DNAH8: variants seen among roughly 807,000 people sequenced by gnomAD.
DNAH8 encodes the protein axonemal beta dynein heavy chain 8.
Under a neutral mutation model 562.1 loss-of-function variants are expected in DNAH8, and 382 were observed. The observed-to-expected ratio is 0.68, with a 90% CI of 0.63 to 0.74. The LOEUF is 0.74. Among genes scored for constraint, DNAH8 ranks in the 30% least tolerant of loss-of-function variants. DNAH8 has a pLI of 0.00. For missense variants in DNAH8, 5,203 were observed against 5,620.4 expected (o/e 0.93, Z 2.37); for synonymous variants, 1,881 against 1,919.4 (o/e 0.98, Z 0.52).
At chr6:38,759,736 C>A (rs1029758444) in intron 10 of DNAH8, among the ~76,000 whole-genome samples, 5 of 152,102 alleles carry the variant, frequency 3.3e-5, no homozygotes, top group African/African-American at 7.2e-5. Context: ...CCCAACCCCC[C>A]AGGTGTTGTC....
At chr6:38,873,401 C>T (rs375961016) in intron 52 of DNAH8, 25 bp downstream of exon 52, 38 of 1,559,384 alleles carry the variant, frequency 2.4e-5, no homozygotes, top group Non-Finnish European at 3.2e-5. Flanking sequence ...TGTACATTTA[C>T]TACTTCGATT....
intron 82 of DNAH8, among the ~76,000 whole-genome samples, chr6:38,966,604 G>T (rs541414443): frequency 1.3e-5 from 2 of 152,070 alleles, no homozygotes; most frequent in African/African-American, 2.4e-5. Flanking sequence ...CAAACCAAAT[G>T]CAGCACCATA....
intron 42 of DNAH8, among the ~76,000 whole-genome samples, chr6:38,858,341 G>A (rs1404018422): frequency 6.6e-6 from 1 of 152,084 alleles, no homozygotes. Flanking sequence ...CATTTTAAAG[G>A]TATCTCTTTC....
At chr6:38,752,043 G>A (rs2654449) in intron 9 of DNAH8, among the ~76,000 whole-genome samples, 142,660 of 152,350 alleles carry the variant, frequency 0.94, 66,849 homozygotes, top group East Asian at 1. Flanking sequence ...ATGATGATCC[G>A]TGATGGGACC....
At chr6:38,977,717 C>A (rs777823907) in intron 85 of DNAH8, among the ~76,000 whole-genome samples, 9 of 152,198 alleles carry the variant, frequency 5.9e-5, no homozygotes, top group Admixed American at 3.9e-4. Flanking sequence ...TTTTTAGCCA[C>A]TTCCTAACAC....
intron 9 of DNAH8, among the ~76,000 whole-genome samples, chr6:38,750,918 A>G (rs558079773): frequency 1.4e-4 from 22 of 152,362 alleles, no homozygotes; most frequent in African/African-American, 5.3e-4. Context: ...ATGATAAACT[A>G]TATTTAATAT....
intron 84 of DNAH8, among the ~76,000 whole-genome samples, 182 bp from the exon 85 acceptor site, chr6:38,974,192 A>G (rs1047678977): frequency 6.6e-6 from 1 of 152,238 alleles, no homozygotes; most frequent in Non-Finnish European, 1.5e-5. Flanking sequence ...CTCAATGCCA[A>G]TAGAATGCTC....
chr6:38,924,523 C>A (rs1425228684), intron 73 of DNAH8, among the ~76,000 whole-genome samples: 1 of 151,638 alleles, frequency 6.6e-6, no homozygotes, highest in African/African-American at 2.4e-5. Flanking sequence ...AAAAAAGAAA[C>A]CCAGGTTCAT....
rs1432085977 is a variant in DNAH8, at chr6:38,850,243, A to G, written c.5200-8A>G. ...GCTAATCTTTACTGGCTATGGATGC[A>G]TTTTCAGGAAGCAAAACGTTTTCAG... On this transcript the variant is annotated splice_polypyrimidine_tract_variant and splice_region_variant and intron_variant, in intron 37 of 92. Transcript: ENST00000327475. 4.3e-6 allele frequency: 7 copies of G among 1,611,998 alleles called. No homozygotes were observed. The highest frequency in any genetic ancestry group is 3.3e-5 in the Admixed American group (2 of 59,888).
intron 59 of DNAH8, among the ~76,000 whole-genome samples, chr6:38,895,344 C>A (rs576206583): frequency 2.2e-4 from 33 of 152,212 alleles, no homozygotes; most frequent in African/African-American, 7.9e-4. Flanking sequence ...TGCCCACTGT[C>A]TTAAAAAAAT....
chr6:38,875,359 C>T (rs1777911932), intron 52 of DNAH8, among the ~76,000 whole-genome samples: 1 of 152,120 alleles, frequency 6.6e-6, no homozygotes, highest in Admixed American at 6.5e-5. Flanking sequence ...GGGTTGAAAC[C>T]ACAGGAGCAG....
chr6:38,723,320 T>G lies in DNAH8; in HGVS notation c.391-17T>G. The stretch of plus-strand genomic sequence containing the variant: ...TCTTCAGAATTGCAATTTTTGAACT[T>G]GGTTTTCATTCCTTAGGCAAGATTT... On this transcript the variant is annotated splice_polypyrimidine_tract_variant and intron_variant, in intron 2 of 92. Coordinates refer to ENST00000327475, the MANE Select transcript of DNAH8 (RefSeq NM_001206927.2). The G allele has an allele frequency of 6.3e-7, 1 of 1,585,342 alleles. No individual in the cohort carries two copies. Among genetic ancestry groups the G allele is most frequent in the Non-Finnish European group, 8.5e-7 (1 of 1,170,594 alleles).
intron 86 of DNAH8, 26 bp from the exon 87 acceptor site, chr6:38,984,180 A>G: frequency 7.4e-7 from 1 of 1,359,080 alleles, no homozygotes; most frequent in East Asian, 2.3e-5. Context: ...TTGACAATTA[A>G]TAATCCTTTT....
chr6:38,882,958 C>T lies in DNAH8; in HGVS notation c.7907C>T (p.Thr2636Ile). 1 of 1,605,100 alleles carries T rather than the reference C, an allele frequency of 6.2e-7. No homozygotes were observed. Among genetic ancestry groups the T allele is most frequent in the Non-Finnish European group, 8.5e-7 (1 of 1,176,838 alleles). Residue 2636 changes from threonine to isoleucine, a missense_variant, in exon 54 of 93, where the codon ACT becomes ATT. By Grantham distance (89) the Thr-to-Ile change is moderately conservative. This residue lies in a region of DNAH8 where 977 missense variants were observed against 1,061.8 expected (regional missense o/e 0.92). Coordinates refer to ENST00000327475, the MANE Select transcript of DNAH8 (RefSeq NM_001206927.2). The stretch of plus-strand genomic sequence containing the variant: ...AAACTTCAGCCTTATTATTATCCAA[C>T]TGACAGTATTCCGGAATATTCATCA... Reference protein sequence around the residue: ...NKKLQPYYYPTDSIPEYSSIL... With the variant: ...NKKLQPYYYPIDSIPEYSSIL...
At chr6:38,833,375 T>C (rs1774009246) in intron 31 of DNAH8, among the ~76,000 whole-genome samples, 1 of 152,284 alleles carries the variant, frequency 6.6e-6, no homozygotes, top group Admixed American at 6.5e-5. Flanking sequence ...ATAATGTTTT[T>C]TTTTTAACAT....
At chr6:38,900,585 C>T (rs1406991708) in intron 62 of DNAH8, among the ~76,000 whole-genome samples, 2 of 151,998 alleles carry the variant, frequency 1.3e-5, no homozygotes, top group Non-Finnish European at 2.9e-5. Flanking sequence ...ATCCTTGCTC[C>T]CACTTGGCAT....
At chr6:38,780,816 A>G (rs1277914746) in intron 15 of DNAH8, among the ~76,000 whole-genome samples, 2 of 152,124 alleles carry the variant, frequency 1.3e-5, no homozygotes, top group Non-Finnish European at 2.9e-5. Flanking sequence ...AAACAAACAA[A>G]CAAACATGTA....
In DNAH8 at chr6:38,894,750, G is replaced by A. The variant is rs775011889; in HGVS notation, c.8633G>A (p.Arg2878Gln). ...PSKFHYIFNL[R>Q]DLSRIWQGML... ...AAATTTCATTACATCTTCAATCTTC[G>A]AGATCTTTCCAGAATTTGGCAAGGA... The change falls in exon 59 of 93, where the codon CGA (arginine) becomes CAA (glutamine). Residue 2878 changes from arginine to glutamine, a missense_variant. Physicochemically the swap from Arg to Gln is conservative, Grantham distance 43. Coordinates refer to ENST00000327475, the MANE Select transcript of DNAH8 (RefSeq NM_001206927.2). 3.7e-6 allele frequency: 6 copies of A among 1,613,754 alleles called. No homozygotes were observed. Among genetic ancestry groups the A allele is most frequent in the Middle Eastern group, 1.6e-4 (1 of 6,062 alleles).
chr6:38,929,743 A>G, intron 75 of DNAH8, 77 bp downstream of exon 75: 1 of 1,302,494 alleles, frequency 7.7e-7, no homozygotes, highest in East Asian at 2.6e-5. Context: ...TAAGAAAGAG[A>G]AAGAAAGAAA....
Sources: gnomAD v4.1 joint callset for allele counts (sites outside exome capture counted in the v4.1 genomes callset) on GRCh38, gnomAD v4.1.1 for gene constraint, gnomAD v4.1.1 regional missense constraint, MANE v1.5 for transcripts, NCBI Gene and HGNC (gene_info 2026-07-23, HGNC 2026-07-21) for gene names.